FGF13: variants seen among roughly 807,000 people sequenced by gnomAD.
FGF13 encodes the protein fibroblast growth factor homologous factor 2.
A neutral mutation model predicts 19.5 loss-of-function variants in FGF13; 2 were observed. The observed-to-expected ratio is 0.10, with a 90% CI of 0.04 to 0.32. The LOEUF is 0.32. Among genes scored for constraint, FGF13 ranks in the 10% least tolerant of loss-of-function variants. FGF13 has a pLI of 1.00. For missense variants in FGF13, 113 were observed against 192.7 expected (o/e 0.59, Z 2.45); for synonymous variants, 72 against 76.9 (o/e 0.94, Z 0.33).
intron 1 of FGF13, among the ~76,000 whole-genome samples, chrX:139,146,941 G>A (rs2083894942): frequency 9.4e-6 from 1 of 106,602 alleles, no homozygotes; most frequent in Admixed American, 1.0e-4. Flanking sequence ...GACACACGGT[G>A]GGGAACATCA....
intron 1 of FGF13, among the ~76,000 whole-genome samples, chrX:139,088,074 C>T (rs1053224955): frequency 4.7e-4 from 53 of 111,733 alleles, no homozygotes; most frequent in African/African-American, 1.6e-3. Context: ...CACATCCATG[C>T]GGCCATTTGG....
chrX:138,949,804 A>G (rs950436118), intron 1 of FGF13, among the ~76,000 whole-genome samples: 3 of 111,971 alleles, frequency 2.7e-5, no homozygotes, highest in Non-Finnish European at 5.6e-5. Flanking sequence ...AGGTAAGGGT[A>G]TATAATCAGG....
At chrX:138,813,267 T>C (rs1213074295) in intron 3 of FGF13, among the ~76,000 whole-genome samples, 1 of 111,581 alleles carries the variant, frequency 9.0e-6, no homozygotes, top group Non-Finnish European at 1.9e-5. Context: ...ACAATGCTGA[T>C]AACTTTTCAT....
intron 1 of FGF13, among the ~76,000 whole-genome samples, chrX:138,932,152 G>A (rs757921433): frequency 5.4e-5 from 6 of 111,837 alleles, no homozygotes; most frequent in South Asian, 7.6e-4. Flanking sequence ...TCCCAGCAAC[G>A]TCCTTAAAAG....
At chrX:139,156,434 T>C (rs2083977278) in intron 1 of FGF13, among the ~76,000 whole-genome samples, 1 of 112,247 alleles carries the variant, frequency 8.9e-6, no homozygotes, top group Admixed American at 9.4e-5. Context: ...AATTTGATTA[T>C]GTGTACATGA....
At chrX:138,951,300 G>A (rs759105750) in intron 1 of FGF13, among the ~76,000 whole-genome samples, 1 of 111,824 alleles carries the variant, frequency 8.9e-6, no homozygotes, top group Non-Finnish European at 1.9e-5. Flanking sequence ...TGCTGTAGTC[G>A]TTAAAATGTA....
intron 1 of FGF13, among the ~76,000 whole-genome samples, chrX:138,965,415 T>A (rs1453137610): frequency 8.9e-6 from 1 of 112,265 alleles, no homozygotes; most frequent in East Asian, 2.8e-4. Context: ...TTGAAAAATG[T>A]TTGCTAAATT....
Position 139,140,925 on chromosome X carries a change from C to T in FGF13, c.-113+62491G>A, listed in dbSNP as rs184861614. Among the ~76,000 whole-genome samples the T allele has an allele frequency of 4.5e-5, 5 of 110,461 alleles. No individual in the cohort carries two copies. The East Asian group carries it at 1.1e-3, about 25-fold the overall frequency. ...GCCAATTCTCCTTTCTCCTAAGGGC[C>T]TTGTGTCTGCTCTTCTCTCTGCCTG... On this transcript the variant is annotated intron_variant, in intron 1 of 2. Coordinates refer to the FGF13 transcript ENST00000421460.
At chrX:138,772,018 G>GTATGTA (rs1556136280) in intron 3 of FGF13, among the ~76,000 whole-genome samples, 3 of 56,546 alleles carry the variant, frequency 5.3e-5, no homozygotes, top group African/African-American at 1.7e-4. Context: ...ATACATATGT[G>GTATGTA]TATATATATA....
Position 138,664,329 on chromosome X carries a change from T to C in FGF13, c.403-28674A>G, listed in dbSNP as rs949001161. On this transcript the variant is annotated intron_variant, in intron 3 of 4. Coordinates refer to ENST00000315930, the MANE Select transcript of FGF13 (RefSeq NM_004114.5). ...TTAAAGGCCATCTAACATTTTGTTT[T>C]GGCTAGGGCCCTCGAAAAGCTCAAA... Among the ~76,000 whole-genome samples, 3 of 112,101 alleles carry C rather than the reference T, an allele frequency of 2.7e-5. No individual in the cohort carries two copies. In the East Asian group the frequency reaches 8.5e-4, roughly 32 times the overall value.
intron 1 of FGF13, among the ~76,000 whole-genome samples, chrX:139,100,556 TACG>T (rs1003242842): frequency 9.0e-6 from 1 of 110,992 alleles, no homozygotes; most frequent in Non-Finnish European, 1.9e-5. Flanking sequence ...AAAAAAAACT[TACG>T]TTTAAAGGAC....
chrX:138,754,408 C>T (rs2090418938), intron 3 of FGF13, among the ~76,000 whole-genome samples: 1 of 111,402 alleles, frequency 9.0e-6, no homozygotes, highest in Admixed American at 9.6e-5. Context: ...GACTCCCTCA[C>T]CTTCTCTTGG....
rs755859312 is a variant in FGF13, at chrX:138,932,352, G to A, written c.-112-67702C>T. ...TCCCAACACTTTGGGAGGCCGAGGCGGGTGGATCATGAGGTCAGGAGCTTA... is the reference window on the plus strand; with the variant it reads ...TCCCAACACTTTGGGAGGCCGAGGCAGGTGGATCATGAGGTCAGGAGCTTA... On this transcript the variant is annotated intron_variant, in intron 1 of 2. Transcript: ENST00000421460. Among the ~76,000 whole-genome samples, 6 of 111,596 alleles carry A rather than the reference G, an allele frequency of 5.4e-5. No homozygotes were observed. The South Asian group carries it at 1.9e-3, about 35-fold the overall frequency.
chrX:139,025,166 C>G (rs2092196264), intron 1 of FGF13, among the ~76,000 whole-genome samples: 1 of 111,616 alleles, frequency 9.0e-6, no homozygotes, highest in South Asian at 3.8e-4. Flanking sequence ...AATCCCAAAC[C>G]CTGGTCTAAT....
intron 3 of FGF13, among the ~76,000 whole-genome samples, chrX:138,808,290 C>T (rs1271519588): frequency 2.2e-4 from 25 of 112,062 alleles, no homozygotes; most frequent in Non-Finnish European, 4.3e-4. Flanking sequence ...AAGAAACTCA[C>T]TCAAAACCGC....
At chrX:138,938,868 C>T (rs1418805244) in intron 1 of FGF13, among the ~76,000 whole-genome samples, 2 of 111,275 alleles carry the variant, frequency 1.8e-5, no homozygotes, top group Non-Finnish European at 1.9e-5. Context: ...TGCTTAGGTA[C>T]GTTTCTCATG....
chrX:139,168,071 T>C (rs186456981), intron 1 of FGF13, among the ~76,000 whole-genome samples: 90 of 112,220 alleles, frequency 8.0e-4, no homozygotes, highest in Non-Finnish European at 6.0e-4. Context: ...GGTTTATAGA[T>C]GCATGCTATT....
At chrX:138,878,234 T>C (rs1339075142) in intron 1 of FGF13, among the ~76,000 whole-genome samples, 1 of 108,679 alleles carries the variant, frequency 9.2e-6, no homozygotes, top group Non-Finnish European at 1.9e-5. Context: ...ATGTGCCATG[T>C]TGGTGTGCTG....
intron 3 of FGF13, among the ~76,000 whole-genome samples, chrX:138,779,684 C>A (rs1269026803): frequency 1.8e-5 from 2 of 110,117 alleles, no homozygotes; most frequent in African/African-American, 6.6e-5. Context: ...AAATCTACGT[C>A]TGATTGGTAT....
Sources: gnomAD v4.1 joint callset for allele counts (sites outside exome capture counted in the v4.1 genomes callset) on GRCh38, gnomAD v4.1.1 for gene constraint, MANE v1.5 for transcripts, NCBI Gene and HGNC (gene_info 2026-07-23, HGNC 2026-07-21) for gene names.